The following ADGRV1 variants were observed in gnomAD, a reference collection of about 807,000 sequenced individuals.
ADGRV1 encodes the protein G-protein coupled receptor 98.
In ADGRV1, 359 loss-of-function variants were observed where a neutral mutation model predicts 596.2. The ratio of observed to expected loss-of-function variants is 0.60; its 90% CI spans 0.55 to 0.66. The LOEUF (loss-of-function observed/expected upper bound fraction) is 0.66. Ranked by LOEUF, ADGRV1 falls within the 30% of genes least tolerant of loss-of-function variation. The probability of loss-of-function intolerance (pLI) is 0.00; values close to 1 mark genes in which losing one functional copy is unlikely to be tolerated. For missense variants in ADGRV1, 7,274 were observed against 7,575.6 expected, an observed-to-expected ratio of 0.96 and a Z score of 1.48; for synonymous variants, 2,681 against 2,679.2, an observed-to-expected ratio of 1.00 and a Z score of -0.02.
At chr5:90,738,704 C>A (rs143720404) in intron 50 of ADGRV1, among the ~76,000 whole-genome samples, 30 of 152,174 alleles carry the variant, frequency 2.0e-4, no homozygotes, top group African/African-American at 6.3e-4. Context: ...CCTTTGAATG[C>A]GACTATATTC....
At chr5:91,159,741 C>G (rs1796789038) in intron 89 of ADGRV1, among the ~76,000 whole-genome samples, 2 of 151,816 alleles carry the variant, frequency 1.3e-5, no homozygotes, top group African/African-American at 2.4e-5. Flanking sequence ...AATGTATCAT[C>G]AGTGTCCCCA....
At chr5:90,785,834 A>T (rs1759377596) in intron 67 of ADGRV1, among the ~76,000 whole-genome samples, 1 of 152,218 alleles carries the variant, frequency 6.6e-6, no homozygotes, top group Admixed American at 6.5e-5. Flanking sequence ...ATTATGGAAG[A>T]CAGTGTGGCG....
chr5:90,837,042 T>C (rs1765026302), intron 77 of ADGRV1, among the ~76,000 whole-genome samples: 1 of 152,374 alleles, frequency 6.6e-6, no homozygotes, highest in African/African-American at 2.4e-5. Flanking sequence ...ACAGTCATTG[T>C]AACATAGATA....
chr5:90,887,254 A>G (rs1770397326), intron 83 of ADGRV1, among the ~76,000 whole-genome samples: 1 of 152,122 alleles, frequency 6.6e-6, no homozygotes, highest in Non-Finnish European at 1.5e-5. Flanking sequence ...TCTGCCTGGC[A>G]TGCTCTTTTC....
chr5:91,088,051 G>T (rs115355366), intron 86 of ADGRV1, among the ~76,000 whole-genome samples: 4 of 152,182 alleles, frequency 2.6e-5, no homozygotes, highest in Non-Finnish European at 5.9e-5. Context: ...AATAGCCTTC[G>T]AGAAGGCAAA....
At chr5:90,629,643 T>C in intron 9 of ADGRV1, 104 bp downstream of exon 9, 1 of 865,284 alleles carries the variant, frequency 1.2e-6, no homozygotes, top group Non-Finnish European at 1.8e-6. Context: ...TATTTTGCCG[T>C]CATTTATATG....
intron 83 of ADGRV1, among the ~76,000 whole-genome samples, chr5:90,872,374 T>G (rs1468618632): frequency 6.6e-6 from 1 of 152,056 alleles, no homozygotes; most frequent in Non-Finnish European, 1.5e-5. Flanking sequence ...AAAAATTGGA[T>G]ATATATAATA....
intron 58 of ADGRV1, among the ~76,000 whole-genome samples, chr5:90,760,146 C>T (rs113072800): frequency 6.6e-6 from 1 of 150,988 alleles, no homozygotes; most frequent in African/African-American, 2.4e-5. Flanking sequence ...TGTGGTGGCG[C>T]ATGCTTGTAG....
chr5:90,666,000 C>T (rs1263842967), intron 21 of ADGRV1, among the ~76,000 whole-genome samples: 1 of 147,500 alleles, frequency 6.8e-6, no homozygotes, highest in Non-Finnish European at 1.5e-5. Context: ...AATCTCTGTT[C>T]TTTTACATTT....
At chr5:91,090,828 C>T (rs528919720) in intron 86 of ADGRV1, among the ~76,000 whole-genome samples, 1 of 152,160 alleles carries the variant, frequency 6.6e-6, no homozygotes, top group African/African-American at 2.4e-5. Flanking sequence ...GTGGGTCACA[C>T]AGTGCATTGA....
intron 72 of ADGRV1, among the ~76,000 whole-genome samples, chr5:90,805,703 C>G (rs1368979223): frequency 6.6e-6 from 1 of 152,108 alleles, no homozygotes; most frequent in Non-Finnish European, 1.5e-5. Context: ...ACTACTCTGT[C>G]CATACAATAG....
At chr5:90,926,817 G>C (rs1236682723) in intron 83 of ADGRV1, among the ~76,000 whole-genome samples, 1 of 151,188 alleles carries the variant, frequency 6.6e-6, no homozygotes, top group Non-Finnish European at 1.5e-5. Context: ...GCGTCCCAGA[G>C]ATTCTGGTAT....
chr5:90,883,283 A>G (rs1381520644), intron 83 of ADGRV1, among the ~76,000 whole-genome samples: 6 of 152,094 alleles, frequency 3.9e-5, no homozygotes, highest in African/African-American at 9.7e-5. Context: ...TCTACCTCCT[A>G]GAATAGCTCC....
chr5:90,977,575 C>T (rs575555071), intron 84 of ADGRV1, among the ~76,000 whole-genome samples: 17 of 152,024 alleles, frequency 1.1e-4, no homozygotes, highest in South Asian at 2.1e-4. Context: ...TATGAATAAG[C>T]GAATGAATGT....
chr5:90,788,418 A>G (rs1320624753), intron 68 of ADGRV1, 108 bp downstream of exon 68: 2 of 1,066,218 alleles, frequency 1.9e-6, no homozygotes, highest in African/African-American at 1.6e-5. Context: ...TGGAAATTAT[A>G]AAACCAAATA....
At chr5:91,134,344 C>T (rs114047421) in intron 87 of ADGRV1, among the ~76,000 whole-genome samples, 1,581 of 152,198 alleles carry the variant, frequency 0.01, 25 homozygotes, top group African/African-American at 0.036. Flanking sequence ...TGCACCACTA[C>T]GCCTGGCTAA....
rs1243679312 is a variant in ADGRV1, at chr5:90,728,723, G to C, written c.10216G>C (p.Gly3406Arg). 6.2e-7 allele frequency: 1 copy of C among 1,613,806 alleles called. No individual in the cohort carries two copies. Among genetic ancestry groups the C allele is most frequent in the Admixed American group, 1.7e-5 (1 of 60,004 alleles). ...GTTGCATCAAAAACTCCCTGTCCGA[G>C]GTGTGCTGACCGTGGCCTTGTTCAA... Reference protein sequence around the residue: ...FVLHQKLPVRGVLTVALFNKG... With the variant: ...FVLHQKLPVRRVLTVALFNKG... The change falls in exon 49 of 90, where the codon GGT (glycine) becomes CGT (arginine). Residue 3406 changes from glycine (G) to arginine (R), a missense_variant. Coordinates refer to ENST00000405460, the MANE Select transcript of ADGRV1 (RefSeq NM_032119.4).
In ADGRV1 at chr5:90,946,305, T is replaced by A. The variant is rs1192784173; in HGVS notation, c.17857-19110T>A. 2.0e-5 allele frequency among the ~76,000 whole-genome samples: 3 copies of A among 152,106 alleles called. No individual in the cohort carries two copies. In the East Asian group the frequency reaches 5.8e-4, roughly 29 times the overall value. On this transcript the variant is annotated intron_variant, in intron 83 of 89. Transcript: ENST00000405460. ...CAAGATCATATAGGGCATTGCAAGA[T>A]CATGGTAAGGCTTTTTAATTACATT...
intron 70 of ADGRV1, among the ~76,000 whole-genome samples, chr5:90,799,243 A>G (rs1228381951): frequency 2.6e-5 from 4 of 152,258 alleles, no homozygotes; most frequent in Admixed American, 2.6e-4. Flanking sequence ...AGGATACAAA[A>G]TCAATGTACA....
Sources: allele counts gnomAD v4.1 joint callset (sites outside exome capture counted in the v4.1 genomes callset), GRCh38; gene constraint gnomAD v4.1.1; transcripts MANE v1.5; gene names NCBI Gene and HGNC (gene_info 2026-07-23, HGNC 2026-07-21).